Variants in SH3KBP1 observed in about 807,000 individuals in gnomAD.
SH3KBP1 encodes the protein SH3 domain-containing kinase-binding protein 1.
Under a neutral mutation model 50.1 loss-of-function variants are expected in SH3KBP1, and 8 were observed. That is an observed-to-expected ratio of 0.16 (90% confidence interval 0.09 to 0.29). The LOEUF (loss-of-function observed/expected upper bound fraction) is 0.29. SH3KBP1 is among the 10% of genes least tolerant of loss of function. The pLI, the probability that SH3KBP1 is intolerant of heterozygous loss-of-function variation, is 1.00. For missense variants in SH3KBP1, 377 were observed against 535.2 expected (o/e 0.70, Z 2.92); for synonymous variants, 227 against 218.6 (o/e 1.04, Z -0.34).
chrX:19,832,535 G>A (rs1429898141), intron 2 of SH3KBP1, among the ~76,000 whole-genome samples: 1 of 111,549 alleles, frequency 9.0e-6, no homozygotes, highest in Non-Finnish European at 1.9e-5. Context: ...AAGGAATGAG[G>A]AGAGAGGGGT....
intron 8 of SH3KBP1, among the ~76,000 whole-genome samples, chrX:19,626,012 G>A (rs1484420021): frequency 1.8e-5 from 2 of 111,516 alleles, no homozygotes; most frequent in Non-Finnish European, 3.8e-5. Flanking sequence ...CCTAATTCCC[G>A]GGGTTGCTGT....
chrX:19,732,639 C>T (rs1265864473), intron 3 of SH3KBP1, among the ~76,000 whole-genome samples: 1 of 101,995 alleles, frequency 9.8e-6, no homozygotes, highest in Non-Finnish European at 2.0e-5. Context: ...ACACACACAG[C>T]GTTCTATCCA....
intron 6 of SH3KBP1, among the ~76,000 whole-genome samples, chrX:19,655,520 A>G (rs575821992): frequency 8.9e-6 from 1 of 112,011 alleles, no homozygotes; most frequent in South Asian, 3.7e-4. Flanking sequence ...TTGCAGCAAC[A>G]TGGATGCAGC....
chrX:19,539,494 A>G (rs1415565071), intron 16 of SH3KBP1, among the ~76,000 whole-genome samples: 3 of 112,313 alleles, frequency 2.7e-5, no homozygotes, highest in Admixed American at 9.4e-5. Context: ...TGAGACTCCA[A>G]GCAAATGCTC....
At chrX:19,811,259 G>A (rs1359053299) in intron 2 of SH3KBP1, among the ~76,000 whole-genome samples, 1 of 111,405 alleles carries the variant, frequency 9.0e-6, no homozygotes, top group Non-Finnish European at 1.9e-5. Flanking sequence ...ATTACAGAAC[G>A]ACAGCTACCA....
chrX:19,633,095 A>G (rs2061615391), intron 7 of SH3KBP1, among the ~76,000 whole-genome samples: 1 of 112,015 alleles, frequency 8.9e-6, no homozygotes, highest in Non-Finnish European at 1.9e-5. Flanking sequence ...AGATTGTGAC[A>G]TATAAAATAA....
At chrX:19,822,490 A>C (rs750348384) in intron 2 of SH3KBP1, among the ~76,000 whole-genome samples, 2 of 111,978 alleles carry the variant, frequency 1.8e-5, no homozygotes, top group African/African-American at 6.5e-5. Context: ...TTTTTGGTTC[A>C]ATAACTTCCA....
chrX:19,810,290 A>C (rs1205440495), intron 2 of SH3KBP1, among the ~76,000 whole-genome samples: 1 of 112,686 alleles, frequency 8.9e-6, no homozygotes, highest in Non-Finnish European at 1.9e-5. Context: ...ATTCACTTGT[A>C]CGTTCCATTT....
At chrX:19,670,839 CAA>C (rs397973698) in intron 6 of SH3KBP1, 18,469 of 884,620 alleles carry the variant, frequency 0.021, 3 homozygotes, top group Admixed American at 0.032. Context: ...ACTCTAAAAG[CAA>C]AAAAAAAAAA....
chrX:19,727,941 C>A (rs1302343755), intron 3 of SH3KBP1, among the ~76,000 whole-genome samples: 1 of 112,038 alleles, frequency 8.9e-6, no homozygotes, highest in Non-Finnish European at 1.9e-5. Flanking sequence ...CACCACTGCA[C>A]TCCAGCCTGG....
At chrX:19,727,910 G>A (rs778481296) in intron 3 of SH3KBP1, among the ~76,000 whole-genome samples, 7 of 109,945 alleles carry the variant, frequency 6.4e-5, no homozygotes, top group African/African-American at 1.3e-4. Flanking sequence ...ACTTGAACCC[G>A]GTTGCAGTGA....
intron 1 of SH3KBP1, among the ~76,000 whole-genome samples, chrX:19,875,017 C>T (rs1215040386): frequency 9.1e-6 from 1 of 110,470 alleles, no homozygotes. Context: ...GGCATTAGGG[C>T]GAGAGCCCCC....
chrX:19,666,670 A>G (rs906537843), intron 6 of SH3KBP1, among the ~76,000 whole-genome samples: 1 of 111,817 alleles, frequency 8.9e-6, no homozygotes. Context: ...GATGGCTACA[A>G]GAAGAAAAAA....
chrX:19,572,334 GT>G (rs1421554366), intron 12 of SH3KBP1, among the ~76,000 whole-genome samples: 1 of 103,670 alleles, frequency 9.6e-6, no homozygotes, highest in Non-Finnish European at 1.9e-5. Context: ...ACATATATAT[GT>G]TATATATAGT....
At chrX:19,797,890 AAC>A (rs60418789) in intron 2 of SH3KBP1, among the ~76,000 whole-genome samples, 15,115 of 96,748 alleles carry the variant, frequency 0.16, 1,183 homozygotes, top group African/African-American at 0.27. Flanking sequence ...AAGTGCCCTA[AAC>A]ACACACACAC....
chrX:19,700,417 A>T (rs1011543143), intron 4 of SH3KBP1, among the ~76,000 whole-genome samples: 4 of 112,188 alleles, frequency 3.6e-5, no homozygotes, highest in African/African-American at 6.5e-5. Context: ...ATTAGTTTTG[A>T]CAAACGCCCA....
chrX:19,814,879 T>G (rs1438501250), intron 2 of SH3KBP1, among the ~76,000 whole-genome samples: 1 of 111,715 alleles, frequency 9.0e-6, no homozygotes, highest in Non-Finnish European at 1.9e-5. Flanking sequence ...CAACTCTACT[T>G]CTGTCATTGG....
chrX:19,860,567 C>T (rs924402745), intron 1 of SH3KBP1, among the ~76,000 whole-genome samples: 5 of 111,585 alleles, frequency 4.5e-5, no homozygotes, highest in Non-Finnish European at 7.5e-5. Flanking sequence ...TGAGAATGTA[C>T]GTGATGCCAC....
chrX:19,706,096 C>T (rs1459716924), intron 4 of SH3KBP1, among the ~76,000 whole-genome samples: 1 of 111,858 alleles, frequency 8.9e-6, no homozygotes, highest in Non-Finnish European at 1.9e-5. Flanking sequence ...AAGTCATCCT[C>T]AACTTCTAGC....
Sources: gnomAD v4.1 joint callset for allele counts (sites outside exome capture counted in the v4.1 genomes callset) on GRCh38, gnomAD v4.1.1 for gene constraint, MANE v1.5 for transcripts, NCBI Gene and HGNC (gene_info 2026-07-23, HGNC 2026-07-21) for gene names.